Variants in DCC observed in about 807,000 individuals in gnomAD.
DCC encodes DCC netrin 1 receptor.
DCC carries 58 observed loss-of-function variants against 172.5 expected under a neutral mutation model. The observed-to-expected ratio is 0.34, with a 90% CI of 0.27 to 0.42. The LOEUF (loss-of-function observed/expected upper bound fraction) is 0.42, where lower values mean the gene tolerates loss of function less well. Ranked by LOEUF, DCC falls within the 10% of genes least tolerant of loss-of-function variation. DCC has a pLI of 1.00. For synonymous variants in DCC, 709 were observed against 644.5 expected (o/e 1.10, Z -1.52); for missense variants, 1,740 against 1,791.0 (o/e 0.97, Z 0.51).
chr18:53,084,422 A>G (rs1489159761), intron 7 of DCC, among the ~76,000 whole-genome samples: 2 of 152,230 alleles, frequency 1.3e-5, no homozygotes, highest in East Asian at 1.9e-4. Context: ...TTTGGAGGAA[A>G]TAAATATTAA....
chr18:52,673,608 T>C (rs1288865697), intron 1 of DCC, among the ~76,000 whole-genome samples: 1 of 152,202 alleles, frequency 6.6e-6, no homozygotes, highest in East Asian at 1.9e-4. Context: ...TCCTTTTTTC[T>C]TGGAAATGAG....
intron 1 of DCC, among the ~76,000 whole-genome samples, chr18:52,566,684 G>T (rs1433288206): frequency 6.6e-6 from 1 of 151,948 alleles, no homozygotes; most frequent in East Asian, 1.9e-4. Context: ...TTTTGAGAAG[G>T]CTGGAATTGG....
intron 1 of DCC, among the ~76,000 whole-genome samples, chr18:52,479,072 A>C (rs1041962372): frequency 6.6e-6 from 1 of 151,384 alleles, no homozygotes; most frequent in Non-Finnish European, 1.5e-5. Flanking sequence ...AGTTAGTTAC[A>C]TTTTTTAGAA....
intron 9 of DCC, among the ~76,000 whole-genome samples, chr18:53,201,538 C>T (rs977423232): frequency 5.3e-5 from 8 of 152,070 alleles, no homozygotes; most frequent in East Asian, 1.9e-4. Context: ...GAAATATGTG[C>T]GTTGTCTTTG....
At chr18:52,441,918 C>T (rs150781559) in intron 1 of DCC, among the ~76,000 whole-genome samples, 1 of 152,096 alleles carries the variant, frequency 6.6e-6, no homozygotes, top group Non-Finnish European at 1.5e-5. Flanking sequence ...AGAATTCTGC[C>T]AGTGAAGGGG....
At chr18:53,088,929 G>T (rs9962460) in intron 7 of DCC, among the ~76,000 whole-genome samples, 11,995 of 152,182 alleles carry the variant, frequency 0.079, 772 homozygotes, top group East Asian at 0.36. Context: ...TGATAAGTTT[G>T]TGATACTTGA....
chr18:53,110,377 AG>A lies in DCC; in HGVS notation c.1261+44213del, dbSNP rs1214297843. ...GTTCCATATCATAGAAGTAGATTGG[AG>A]GTTAAGCAAAATAAGATAATTTAGC... On this transcript the variant is annotated intron_variant, in intron 7 of 28. Transcript: ENST00000442544. Among the ~76,000 whole-genome samples, 7 of 151,804 alleles carry A rather than the reference AG, an allele frequency of 4.6e-5. No homozygotes were observed. The East Asian group carries it at 1.4e-3, about 30-fold the overall frequency.
chr18:53,136,969 G>T (rs1030345215), intron 7 of DCC, among the ~76,000 whole-genome samples: 16 of 152,148 alleles, frequency 1.1e-4, no homozygotes, highest in Non-Finnish European at 1.6e-4. Context: ...AGGCCCTAAA[G>T]GGCCATTCGG....
intron 7 of DCC, among the ~76,000 whole-genome samples, chr18:53,066,713 T>C (rs186463805): frequency 1.3e-5 from 2 of 152,010 alleles, no homozygotes; most frequent in Non-Finnish European, 2.9e-5. Context: ...TCAATGGAAG[T>C]TAATTAGTGT....
At chr18:52,825,481 C>A (rs1220175063) in intron 2 of DCC, among the ~76,000 whole-genome samples, 1 of 152,000 alleles carries the variant, frequency 6.6e-6, no homozygotes, top group Non-Finnish European at 1.5e-5. Context: ...GTTTTGTTTG[C>A]CTTTTTTGTT....
At chr18:53,051,179 A>T (rs2042329295) in intron 5 of DCC, among the ~76,000 whole-genome samples, 1 of 152,134 alleles carries the variant, frequency 6.6e-6, no homozygotes, top group African/African-American at 2.4e-5. Context: ...GCAGTGAGCC[A>T]TGATTATACC....
intron 7 of DCC, among the ~76,000 whole-genome samples, chr18:53,107,985 T>C: frequency 6.6e-6 from 1 of 151,818 alleles, no homozygotes; most frequent in Non-Finnish European, 1.5e-5. Context: ...CTCAAATAGA[T>C]AATCACTGGA....
At chr18:52,496,612 A>C (rs2030761840) in intron 1 of DCC, among the ~76,000 whole-genome samples, 1 of 152,008 alleles carries the variant, frequency 6.6e-6, no homozygotes, top group Admixed American at 6.6e-5. Flanking sequence ...TAGTATTTGC[A>C]CTTCATTTCT....
intron 1 of DCC, among the ~76,000 whole-genome samples, chr18:52,428,959 G>A (rs775312062): frequency 4.6e-5 from 7 of 151,998 alleles, no homozygotes; most frequent in Admixed American, 6.6e-5. Context: ...TTGCAGAACA[G>A]AAAAATATGC....
chr18:52,539,921 T>C (rs1257660760), intron 1 of DCC, among the ~76,000 whole-genome samples: 1 of 152,100 alleles, frequency 6.6e-6, no homozygotes, highest in Non-Finnish European at 1.5e-5. Flanking sequence ...CCCACAAAAT[T>C]TAGGTATCAC....
At chr18:53,013,459 C>T (rs2041760568) in intron 5 of DCC, among the ~76,000 whole-genome samples, 1 of 151,960 alleles carries the variant, frequency 6.6e-6, no homozygotes, top group South Asian at 2.1e-4. Flanking sequence ...AAACCAAATG[C>T]CACATGTTCT....
chr18:53,013,685 G>A (rs1271455046), intron 5 of DCC, among the ~76,000 whole-genome samples: 7 of 148,706 alleles, frequency 4.7e-5, no homozygotes, highest in Non-Finnish European at 7.4e-5. Context: ...TTCTGCACAT[G>A]CATCCCAGAA....
intron 7 of DCC, among the ~76,000 whole-genome samples, chr18:53,149,972 G>A (rs911759444): frequency 3.3e-5 from 5 of 152,072 alleles, no homozygotes; most frequent in Admixed American, 6.6e-5. Flanking sequence ...CCAAATTTTC[G>A]AGCTTCCTTT....
At chr18:52,599,294 A>C (rs758283230) in intron 1 of DCC, among the ~76,000 whole-genome samples, 1 of 152,108 alleles carries the variant, frequency 6.6e-6, no homozygotes, top group Non-Finnish European at 1.5e-5. Context: ...TCCATCTAAA[A>C]ACCAGGGGTC....
Sources: gnomAD v4.1 joint callset for allele counts (sites outside exome capture counted in the v4.1 genomes callset) on GRCh38, gnomAD v4.1.1 for gene constraint, MANE v1.5 for transcripts, NCBI Gene and HGNC (gene_info 2026-07-23, HGNC 2026-07-21) for gene names.